Variants in NDST1 observed in about 807,000 individuals in gnomAD.
The protein encoded by NDST1 is bifunctional heparan sulfate N-deacetylase/N-sulfotransferase 1.
In NDST1, 35 loss-of-function variants were observed where a neutral mutation model predicts 92.8. The ratio of observed to expected loss-of-function variants is 0.38; its 90% CI spans 0.29 to 0.50. The LOEUF is 0.50. NDST1 is among the 20% of genes least tolerant of loss of function. The probability of loss-of-function intolerance (pLI) is 0.94; values close to 1 mark genes in which losing one functional copy is unlikely to be tolerated. For missense variants in NDST1, 822 were observed against 1,182.7 expected, an observed-to-expected ratio of 0.69 and a Z score of 4.47; for synonymous variants, 493 against 500.3, an observed-to-expected ratio of 0.99 and a Z score of 0.19.
intron 10 of NDST1, among the ~76,000 whole-genome samples, chr5:150,543,829 C>G (rs570576174): frequency 5.9e-5 from 9 of 151,560 alleles, no homozygotes; most frequent in African/African-American, 2.2e-4. Flanking sequence ...ACCCAGGCTG[C>G]AGTGCAGTGG....
chr5:150,544,824 C>T (rs1316740872), intron 10 of NDST1, among the ~76,000 whole-genome samples: 2 of 152,196 alleles, frequency 1.3e-5, no homozygotes, highest in African/African-American at 2.4e-5. Flanking sequence ...TCCACAGTGA[C>T]GGCCTAGAAG....
intron 2 of NDST1, among the ~76,000 whole-genome samples, chr5:150,523,803 G>T (rs1374319909): frequency 6.6e-6 from 1 of 152,166 alleles, no homozygotes; most frequent in Non-Finnish European, 1.5e-5. Context: ...CCTAGGGAGG[G>T]GTGCGGGCAT....
In NDST1 at chr5:150,535,006, CAAG is replaced by C; in HGVS notation, c.1240_1242del (p.Lys414del). The C allele has an allele frequency of 1.9e-6, 3 of 1,614,180 alleles. No individual in the cohort carries two copies. Among genetic ancestry groups the C allele is most frequent in the Non-Finnish European group, 2.5e-6 (3 of 1,179,986 alleles). ...TGTTGGCCGAGCAGATGGCCTTGAA[CAAG>C]AAGTTCGCTGTCGTGAGTAAGATTC... is the stretch of plus-strand genomic sequence containing the variant. On this transcript the variant is annotated inframe_deletion, in exon 5 of 15. Coordinates refer to ENST00000261797, the MANE Select transcript of NDST1 (RefSeq NM_001543.5).
At chr5:150,548,696 C>G (rs1461125046) in intron 12 of NDST1, among the ~76,000 whole-genome samples, 2 of 151,968 alleles carry the variant, frequency 1.3e-5, no homozygotes, top group Non-Finnish European at 2.9e-5. Flanking sequence ...GCCACTGTAC[C>G]CAGCTAATTT....
chr5:150,545,050 A>G (rs1014667801), intron 10 of NDST1, among the ~76,000 whole-genome samples: 1 of 152,178 alleles, frequency 6.6e-6, no homozygotes, highest in Non-Finnish European at 1.5e-5. Flanking sequence ...ATGACCTGCA[A>G]CTGCCGGCGC....
intron 1 of NDST1, among the ~76,000 whole-genome samples, chr5:150,520,661 T>C (rs1017219465): frequency 2.6e-5 from 4 of 152,168 alleles, no homozygotes; most frequent in African/African-American, 7.2e-5. Context: ...CCTTATGAGA[T>C]GGGTTCATAT....
In NDST1 at chr5:150,539,152, T is replaced by C. The variant is rs1162362570; in HGVS notation, c.1438-76T>C. ...CTTTCTGAGGAGCAGCTGGGCCTTC[T>C]TCCTCTGAGGAAGAGTCCTCCCACC... On this transcript the variant is annotated intron_variant, in intron 6 of 14. Coordinates refer to ENST00000261797, the MANE Select transcript of NDST1 (RefSeq NM_001543.5). 4.0e-6 allele frequency: 5 copies of C among 1,254,274 alleles called. 1 individual carries two copies. Among genetic ancestry groups the C allele is most frequent in the East Asian group, 4.6e-5 (2 of 43,142 alleles). The allele number at this position is 1,254,274 out of a possible 1,614,324, so 77.7% of individuals were successfully genotyped here. A position where few individuals can be genotyped will look rare whatever the true frequency, so the allele number is the denominator to read the frequency against.
At chr5:150,511,958 G>C (rs1009482416) in intron 1 of NDST1, among the ~76,000 whole-genome samples, 2 of 143,298 alleles carry the variant, frequency 1.4e-5, no homozygotes, top group Non-Finnish European at 3.0e-5. Context: ...GGGTGATGAT[G>C]TGACTGTGCT....
intron 6 of NDST1, among the ~76,000 whole-genome samples, chr5:150,536,698 T>G (rs925234475): frequency 6.6e-6 from 1 of 152,078 alleles, no homozygotes; most frequent in East Asian, 1.9e-4. Flanking sequence ...CCCGAGTAGC[T>G]GGGAAGACAG....
Position 150,528,267 on chromosome 5 carries a change from A to G in NDST1, c.977A>G (p.Glu326Gly). Reference sequence around the variant, plus strand: ...ATTGATGACATCTTCGTGGGCAAGGAGGGCACACGCATGAAGGTGGAGGAC... The same window carrying G: ...ATTGATGACATCTTCGTGGGCAAGGGGGGCACACGCATGAAGGTGGAGGAC... ...VDIDDIFVGKEGTRMKVEDVK... is the reference protein window; with the variant it reads ...VDIDDIFVGKGGTRMKVEDVK... Residue 326 changes from glutamate (E) to glycine (G), a missense_variant, in exon 3 of 15, where the codon GAG (glutamate) becomes GGG (glycine). By Grantham distance (98) the Glu-to-Gly change is moderately conservative. Transcript: ENST00000261797. The G allele has an allele frequency of 1.2e-6, 2 of 1,606,316 alleles. No individual in the cohort carries two copies. The highest frequency in any genetic ancestry group is 1.1e-5 in the South Asian group (1 of 90,768).
chr5:150,542,777 GC>G, intron 9 of NDST1, 70 bp from the exon 10 acceptor site: 1 of 1,608,724 alleles, frequency 6.2e-7, no homozygotes, highest in East Asian at 2.2e-5. Context: ...GGGGAGCTAG[GC>G]CCAGAACCCA....
Position 150,521,694 on chromosome 5 carries a change from T to C in NDST1, c.440T>C (p.Leu147Pro), listed in dbSNP as rs1754243304. ...IYENILKYVNLDAWNRELLDK... is the reference protein window; with the variant it reads ...IYENILKYVNPDAWNRELLDK... ...GAGAACATCCTCAAGTATGTCAACC[T>C]GGACGCCTGGAACCGGGAGCTGCTG... The change falls in exon 2 of 15, where the codon CTG becomes CCG. Residue 147 changes from leucine (L) to proline (P), a missense_variant. By Grantham distance (98) the Leu-to-Pro change is moderately conservative (BLOSUM62 -3). Coordinates refer to ENST00000261797, the MANE Select transcript of NDST1 (RefSeq NM_001543.5). The surrounding 1 kb of genome is among the most constrained non-coding windows in gnomAD (Gnocchi z 5.9). 2 of 1,614,078 alleles carry C rather than the reference T, an allele frequency of 1.2e-6. No homozygotes were observed. Among genetic ancestry groups the C allele is most frequent in the Non-Finnish European group, 1.7e-6 (2 of 1,180,030 alleles).
chr5:150,525,071 G>A (rs1038936717), intron 2 of NDST1, among the ~76,000 whole-genome samples: 2 of 152,190 alleles, frequency 1.3e-5, no homozygotes, highest in African/African-American at 4.8e-5. Flanking sequence ...CTGCGTTCCC[G>A]AATCAGGGCT....
At chr5:150,532,914 C>A in intron 3 of NDST1, 31 bp from the exon 4 acceptor site, 1 of 1,601,824 alleles carries the variant, frequency 6.2e-7, no homozygotes, top group Non-Finnish European at 8.6e-7. Context: ...GGCTTTCCCT[C>A]ACTCATTCCT....
At position 150,528,212 on chromosome 5, in the gene NDST1, C is replaced by T; in HGVS notation, c.922C>T (p.Leu308=). The T allele has an allele frequency of 6.2e-7, 1 of 1,614,178 alleles. No individual in the cohort carries two copies. The highest frequency in any genetic ancestry group is 8.5e-7 in the Non-Finnish European group (1 of 1,179,994). The change falls in exon 3 of 15, where the codon CTG becomes TTG. Residue 308 remains leucine, a synonymous_variant. Coordinates refer to ENST00000261797, the MANE Select transcript of NDST1 (RefSeq NM_001543.5). The part of the protein sequence containing the change: ...VAFLTGKRLS[L]PLDRYILVDI... ...CTTCCTCACGGGGAAGCGCCTCTCC[C>T]TGCCATTGGACCGCTACATCCTGGT...
In NDST1 at chr5:150,528,143, C is replaced by T; in HGVS notation, c.853C>T (p.Leu285=). The change falls in exon 3 of 15, where the codon CTG becomes TTG. Residue 285 remains leucine, a synonymous_variant. Coordinates refer to ENST00000261797, the MANE Select transcript of NDST1 (RefSeq NM_001543.5). ...GIQRVLFGNN[L]NFWLHKLVFV... Reference sequence around the variant, plus strand: ...CCAGCGCGTGCTGTTTGGCAACAACCTGAACTTCTGGCTGCACAAGCTTGT... The same window carrying T: ...CCAGCGCGTGCTGTTTGGCAACAACTTGAACTTCTGGCTGCACAAGCTTGT... 1 of 1,614,248 alleles carries T rather than the reference C, an allele frequency of 6.2e-7. No homozygotes were observed. The highest frequency in any genetic ancestry group is 8.5e-7 in the Non-Finnish European group (1 of 1,180,038).
upstream of NDST1, among the ~76,000 whole-genome samples, chr5:150,506,898 A>G (rs1048746960): frequency 5.9e-5 from 9 of 152,216 alleles, no homozygotes; most frequent in Non-Finnish European, 1.2e-4. Flanking sequence ...CTAGGAGATT[A>G]GGGGGCTTCT....
At position 150,540,275 on chromosome 5, in the gene NDST1, G is replaced by A; in HGVS notation, c.1749+11G>A. ...GACCCGCTCTGGCAGGTGGGGGGCT[G>A]GGCAGCCTGGGCAGGTTGCTACAGG... On this transcript the variant is annotated intron_variant, in intron 8 of 14. Transcript: ENST00000261797. The A allele has an allele frequency of 6.3e-7, 1 of 1,589,906 alleles. No homozygotes were observed. The highest frequency in any genetic ancestry group is 1.1e-5 in the South Asian group (1 of 87,200).
intron 13 of NDST1, among the ~76,000 whole-genome samples, chr5:150,551,311 G>C (rs1429926912): frequency 6.6e-6 from 1 of 151,888 alleles, no homozygotes; most frequent in African/African-American, 2.4e-5. Flanking sequence ...TGATAAAGAT[G>C]AAATTTATTA....
Sources: allele counts gnomAD v4.1 joint callset (sites outside exome capture counted in the v4.1 genomes callset), GRCh38; gene constraint gnomAD v4.1.1; non-coding constraint Gnocchi (gnomAD v3.1); transcripts MANE v1.5; gene names NCBI Gene and HGNC (gene_info 2026-07-23, HGNC 2026-07-21).